Variants in NUSAP1 observed in about 807,000 individuals in gnomAD.
NUSAP1 encodes the protein nucleolar and spindle-associated protein 1.
In NUSAP1, 32 loss-of-function variants were observed where a neutral mutation model predicts 52.8. The ratio of observed to expected loss-of-function variants is 0.61; its 90% CI spans 0.46 to 0.81. NUSAP1 has a LOEUF of 0.81. Ranked by LOEUF, NUSAP1 falls within the 40% of genes least tolerant of loss-of-function variation. NUSAP1 has a pLI of 0.00. For missense variants in NUSAP1, 499 were observed against 522.3 expected (o/e 0.96, Z 0.43); for synonymous variants, 195 against 183.1 (o/e 1.06, Z -0.52).
intron 1 of NUSAP1, among the ~76,000 whole-genome samples, chr15:41,334,159 C>T (rs1017740407): frequency 6.6e-6 from 1 of 152,132 alleles, no homozygotes; most frequent in Non-Finnish European, 1.5e-5. Context: ...TGCTCTGTCG[C>T]CCAGGCTGGA....
chr15:41,360,908 G>A (rs111993185), intron 6 of NUSAP1, among the ~76,000 whole-genome samples: 6,132 of 150,460 alleles, frequency 0.041, 244 homozygotes, highest in African/African-American at 0.1. Context: ...GATCTTGCCA[G>A]CATGGCAAAA....
At chr15:41,345,213 T>C (rs1402091633) in intron 2 of NUSAP1, among the ~76,000 whole-genome samples, 1 of 151,944 alleles carries the variant, frequency 6.6e-6, no homozygotes, top group Admixed American at 6.6e-5. Flanking sequence ...TTGCCCGGGC[T>C]GGTCTCAAAC....
chr15:41,369,636 G>A (rs543075391), intron 7 of NUSAP1, among the ~76,000 whole-genome samples: 2 of 151,290 alleles, frequency 1.3e-5, no homozygotes, highest in African/African-American at 2.4e-5. Context: ...CAACAAGAGC[G>A]AAACATTGTC....
chr15:41,333,136 A>G, intron 1 of NUSAP1, 86 bp downstream of exon 1: 1 of 1,031,978 alleles, frequency 9.7e-7, no homozygotes, highest in South Asian at 1.4e-5. Context: ...ACCGAGAGGG[A>G]AGCCCGGGAC....
chr15:41,371,187 T>TGGA (rs368043352), intron 7 of NUSAP1, among the ~76,000 whole-genome samples: 2,541 of 151,692 alleles, frequency 0.017, 77 homozygotes, highest in African/African-American at 0.057. Context: ...TCCCCTAACC[T>TGGA]GGAGGAGGAG....
Position 41,377,269 on chromosome 15 carries a change from C to T in NUSAP1, c.1197C>T (p.Tyr399=), listed in dbSNP as rs1046947578. The T allele has an allele frequency of 8.5e-6, 13 of 1,530,028 alleles. No individual in the cohort carries two copies. Among genetic ancestry groups the T allele is most frequent in the Non-Finnish European group, 1.1e-5 (13 of 1,132,072 alleles). The allele number at this position is 1,530,028 out of a possible 1,614,324, so 94.8% of individuals were successfully genotyped here. A position where few individuals can be genotyped will look rare whatever the true frequency, so the allele number is the denominator to read the frequency against. Residue 399 remains tyrosine, a synonymous_variant, in exon 10 of 11, where the codon TAC becomes TAT. Coordinates refer to ENST00000559596, the MANE Select transcript of NUSAP1 (RefSeq NM_016359.5). The part of the protein sequence containing the change: ...LNQHVNRINF[Y]KKTYKQPHLQ... ...AACATGTCAACAGAATTAACTTCTA[C>T]AAGAAAACTTACAAACAACCCCATC...
At chr15:41,341,934 G>A (rs1193672284) in intron 1 of NUSAP1, among the ~76,000 whole-genome samples, 3 of 152,188 alleles carry the variant, frequency 2.0e-5, no homozygotes, top group African/African-American at 7.2e-5. Context: ...CCATGTTCCA[G>A]CCACACTGAA....
chr15:41,342,501 T>C (rs2048400933), intron 2 of NUSAP1, 47 bp downstream of exon 2: 4 of 1,369,418 alleles, frequency 2.9e-6, no homozygotes, highest in African/African-American at 1.5e-5. Flanking sequence ...AAAATAATCA[T>C]ATTTGGTTAA....
chr15:41,352,821 T>A (rs546197032), intron 4 of NUSAP1, among the ~76,000 whole-genome samples: 2 of 152,206 alleles, frequency 1.3e-5, no homozygotes, highest in Admixed American at 1.3e-4. Flanking sequence ...CCTCCTAAAG[T>A]GCTGGGATTA....
At chr15:41,344,687 T>TA (rs1194209660) in intron 2 of NUSAP1, among the ~76,000 whole-genome samples, 1 of 151,812 alleles carries the variant, frequency 6.6e-6, no homozygotes, top group East Asian at 1.9e-4. Context: ...ACGTCTGTAA[T>TA]ACCAGCACTT....
chr15:41,378,944 G>GGTTTTTTTTTTTTTTTTTT (rs1253258207), intron 10 of NUSAP1, among the ~76,000 whole-genome samples: 4 of 63,272 alleles, frequency 6.3e-5, no homozygotes, highest in African/African-American at 1.4e-4. Context: ...ACTTATCTTG[G>GGTTTTTTTTTTTTTTTTTT]TTTTTTTTTT....
chr15:41,367,856 C>T (rs1466340002), intron 7 of NUSAP1, among the ~76,000 whole-genome samples: 1 of 152,082 alleles, frequency 6.6e-6, no homozygotes, highest in Non-Finnish European at 1.5e-5. Context: ...GGAGGCCCTC[C>T]TGGGCTTCCA....
intron 10 of NUSAP1, among the ~76,000 whole-genome samples, chr15:41,379,497 A>G (rs1366675938): frequency 6.6e-6 from 1 of 152,238 alleles, no homozygotes; most frequent in East Asian, 1.9e-4. Context: ...GTTGGATTCA[A>G]TCAGCAAGGT....
intron 3 of NUSAP1, 103 bp downstream of exon 3, chr15:41,349,344 A>G: frequency 8.5e-7 from 1 of 1,179,188 alleles, no homozygotes; most frequent in Non-Finnish European, 1.2e-6. Flanking sequence ...ATGTGTTTGT[A>G]AGGTTACTGT....
intron 1 of NUSAP1, among the ~76,000 whole-genome samples, chr15:41,333,587 A>G (rs753453694): frequency 6.6e-6 from 1 of 152,162 alleles, no homozygotes; most frequent in Non-Finnish European, 1.5e-5. Flanking sequence ...GATGGTCTCT[A>G]TCAAAACCAG....
rs139028959 is a variant in NUSAP1, at chr15:41,360,415, C to G, written c.660+2157C>G. The stretch of plus-strand genomic sequence containing the variant: ...CACCACAACTTCCACCTCCCAGGTT[C>G]AAGCAATTCTCCTGCCTCAGCCTCC... On this transcript the variant is annotated intron_variant, in intron 6 of 10. Transcript: ENST00000559596. Among the ~76,000 whole-genome samples the G allele has an allele frequency of 6.8e-3, 1,043 of 152,272 alleles. 12 individuals are homozygous for G. The highest frequency in any genetic ancestry group is 0.022 in the African/African-American group (932 of 41,548).
chr15:41,359,700 C>G (rs1315322571), intron 6 of NUSAP1, among the ~76,000 whole-genome samples: 3 of 151,414 alleles, frequency 2.0e-5, no homozygotes, highest in East Asian at 3.9e-4. Context: ...GGTACAGTCT[C>G]AGCTCACTGC....
chr15:41,344,260 A>G (rs1454955235), intron 2 of NUSAP1: 2 of 151,430 alleles, frequency 1.3e-5, no homozygotes, highest in Admixed American at 1.3e-4. Flanking sequence ...TTGTCTCTTT[A>G]TATTCCAGCA....
In NUSAP1 at chr15:41,371,700, AAC is replaced by A. The variant is rs771008804; in HGVS notation, c.1006+18_1006+19del. On this transcript the variant is annotated intron_variant, in intron 8 of 10. Coordinates refer to ENST00000559596, the MANE Select transcript of NUSAP1 (RefSeq NM_016359.5). Reference sequence around the variant, plus strand: ...TCTGCTGCTGGTAAAAAAAAAAAAAAACAAAAGAAATCTGTTTCATTTTTAAG... The same window carrying A: ...TCTGCTGCTGGTAAAAAAAAAAAAAAAAAAGAAATCTGTTTCATTTTTAAG... 7 of 1,572,046 alleles carry A rather than the reference AAC, an allele frequency of 4.5e-6. No individual in the cohort carries two copies. Among genetic ancestry groups the A allele is most frequent in the Admixed American group, 2.1e-5 (1 of 46,594 alleles).
Sources: allele counts gnomAD v4.1 joint callset (sites outside exome capture counted in the v4.1 genomes callset), GRCh38; gene constraint gnomAD v4.1.1; transcripts MANE v1.5; gene names NCBI Gene and HGNC (gene_info 2026-07-23, HGNC 2026-07-21).